The following MEIS2 variants were observed in gnomAD, a reference collection of about 807,000 sequenced individuals.
The protein encoded by MEIS2 is homeobox protein Meis2.
A neutral mutation model predicts 58.6 loss-of-function variants in MEIS2; 9 were observed. The ratio of observed to expected loss-of-function variants is 0.15; its 90% CI spans 0.09 to 0.27. MEIS2 has a LOEUF of 0.27. Among genes scored for constraint, MEIS2 ranks in the 10% least tolerant of loss-of-function variants. The pLI is 1.00. For synonymous variants in MEIS2, 221 were observed against 228.4 expected, an observed-to-expected ratio of 0.97 and a Z score of 0.29; for missense variants, 427 against 635.0, an observed-to-expected ratio of 0.67 and a Z score of 3.52.
At chr15:37,016,148 T>C (rs1460637903) in intron 8 of MEIS2, among the ~76,000 whole-genome samples, 2 of 152,190 alleles carry the variant, frequency 1.3e-5, no homozygotes, top group Non-Finnish European at 2.9e-5. Context: ...CAGCTAGCTC[T>C]TCCCCTCCCT....
chr15:36,949,659 T>C (rs2058687893), intron 9 of MEIS2, among the ~76,000 whole-genome samples: 1 of 152,018 alleles, frequency 6.6e-6, no homozygotes. Flanking sequence ...TGATAAAACC[T>C]GGGCCAGTAT....
chr15:37,032,370 G>A (rs1475091555), intron 8 of MEIS2, among the ~76,000 whole-genome samples: 4 of 152,142 alleles, frequency 2.6e-5, no homozygotes, highest in South Asian at 4.1e-4. Flanking sequence ...AGGGCTTCTT[G>A]GCGTGGAGGA....
At chr15:36,980,148 C>A (rs1024767234) in intron 8 of MEIS2, among the ~76,000 whole-genome samples, 2 of 151,940 alleles carry the variant, frequency 1.3e-5, no homozygotes, top group African/African-American at 4.8e-5. Context: ...AAAATATTAA[C>A]CCCTACTTAG....
At chr15:36,970,267 G>A (rs1334041784) in intron 8 of MEIS2, among the ~76,000 whole-genome samples, 2 of 152,038 alleles carry the variant, frequency 1.3e-5, no homozygotes, top group South Asian at 2.1e-4. Flanking sequence ...AGCCAGGCGT[G>A]GTGGCGGGCG....
chr15:37,085,784 G>C (rs1892807217), intron 6 of MEIS2, among the ~76,000 whole-genome samples: 1 of 152,130 alleles, frequency 6.6e-6, no homozygotes, highest in Admixed American at 6.6e-5. Context: ...GAAAGACAAA[G>C]TCATGCCTGT....
intron 8 of MEIS2, among the ~76,000 whole-genome samples, chr15:37,027,617 T>A (rs2141698496): frequency 6.6e-6 from 1 of 152,332 alleles, no homozygotes; most frequent in Admixed American, 6.5e-5. Context: ...CTCCTTGAAT[T>A]CTTTAACATA....
Position 37,098,031 on chromosome 15 carries a change from T to C in MEIS2, c.181A>G (p.Met61Val), listed in dbSNP as rs768355698. ...ACAGCGGATCCCATACTGGCCGGCA[T>C]GACATTGGGGTGCGGGGCGTGCGCG... is the stretch of plus-strand genomic sequence containing the variant. The part of the protein sequence containing the change: ...YGAHAPHPNV[M>V]PASMGSAVND... The change falls in exon 2 of 12, where the codon ATG becomes GTG. Residue 61 changes from methionine to valine, a missense_variant. Around this residue, in one of 6 missense-constraint regions of MEIS2, gnomAD observed 103 missense variants for 111.8 expected, o/e 0.92. Transcript: ENST00000561208. The C allele has an allele frequency of 3.0e-5, 49 of 1,612,850 alleles. No individual in the cohort carries two copies. In the South Asian group the frequency reaches 5.4e-4, roughly 18 times the overall value.
intron 7 of MEIS2, among the ~76,000 whole-genome samples, chr15:37,062,126 C>T (rs927308953): frequency 1.2e-4 from 19 of 152,222 alleles, no homozygotes; most frequent in African/African-American, 4.3e-4. Context: ...TCCACAGATT[C>T]AGGTGCCCAG....
intron 7 of MEIS2, among the ~76,000 whole-genome samples, chr15:37,046,184 G>A (rs1397994542): frequency 6.6e-6 from 1 of 152,208 alleles, no homozygotes; most frequent in Non-Finnish European, 1.5e-5. Context: ...CATTCTCACT[G>A]GCTTGGCCAG....
intron 8 of MEIS2, among the ~76,000 whole-genome samples, chr15:36,968,942 G>T (rs2059443395): frequency 6.6e-6 from 1 of 152,220 alleles, no homozygotes; most frequent in Non-Finnish European, 1.5e-5. Flanking sequence ...GATTGCTGCA[G>T]ATCAAAACCA....
intron 8 of MEIS2, among the ~76,000 whole-genome samples, chr15:36,978,660 CA>C (rs1412295725): frequency 6.6e-6 from 1 of 152,164 alleles, no homozygotes; most frequent in Non-Finnish European, 1.5e-5. Context: ...CTTTACCTCC[CA>C]AAACTTTTTC....
At chr15:36,956,209 A>C (rs1037032402) in intron 8 of MEIS2, among the ~76,000 whole-genome samples, 1 of 148,764 alleles carries the variant, frequency 6.7e-6, no homozygotes, top group East Asian at 2.0e-4. Context: ...AAAAAAAAAA[A>C]AGAGTCCAAA....
chr15:37,059,148 C>T (rs1888846331), intron 7 of MEIS2, among the ~76,000 whole-genome samples: 2 of 152,122 alleles, frequency 1.3e-5, no homozygotes, highest in Non-Finnish European at 2.9e-5. Flanking sequence ...TGATCTGTAA[C>T]ACACAAAAGG....
At chr15:37,081,898 T>C (rs1596095168) in intron 7 of MEIS2, among the ~76,000 whole-genome samples, 1 of 152,308 alleles carries the variant, frequency 6.6e-6, no homozygotes, top group East Asian at 1.9e-4. Flanking sequence ...CTCAGAATTC[T>C]TCTCTTTCCT....
intron 6 of MEIS2, among the ~76,000 whole-genome samples, chr15:37,092,201 T>C (rs912912025): frequency 1.3e-5 from 2 of 152,246 alleles, no homozygotes; most frequent in African/African-American, 2.4e-5. Context: ...CAGAACTGGA[T>C]ATCCCAGACT....
intron 1 of MEIS2, chr15:37,099,042 G>T: frequency 1.0e-6 from 1 of 983,606 alleles, no homozygotes; most frequent in South Asian, 4.5e-5. Context: ...CGGCTCCTAC[G>T]CAGCCCGTGC....
rs1388625071 is a variant in MEIS2, at chr15:36,976,677, G to GA, written c.901-26278dup. The stretch of plus-strand genomic sequence containing the variant: ...ATACTGAATTGCTTATACATTTGCA[G>GA]AAAAAAATTAACAGATTAATAGAAA... On this transcript the variant is annotated intron_variant, in intron 8 of 11. Transcript: ENST00000561208. Among the ~76,000 whole-genome samples the GA allele has an allele frequency of 5.9e-5, 9 of 151,938 alleles. No individual in the cohort carries two copies. In the East Asian group the frequency reaches 9.7e-4, roughly 16 times the overall value.
At chr15:36,925,568 T>C (rs373767377) in intron 9 of MEIS2, among the ~76,000 whole-genome samples, 1 of 152,218 alleles carries the variant, frequency 6.6e-6, no homozygotes, top group Non-Finnish European at 1.5e-5. Context: ...TCACTTAAAA[T>C]ATATTTTGTC....
rs757351718 is a variant in MEIS2, at chr15:37,099,642, G to A, written c.-176C>T. 2 of 819,674 alleles carry A rather than the reference G, an allele frequency of 2.4e-6. No homozygotes were observed. The highest frequency in any genetic ancestry group is 3.4e-5 in the Admixed American group (1 of 29,448). The allele number at this position is 819,674 out of a possible 1,614,324, so 50.8% of individuals were successfully genotyped here. A position where few individuals can be genotyped will look rare whatever the true frequency, so the allele number is the denominator to read the frequency against. On this transcript the variant is annotated 5_prime_UTR_variant, in exon 1 of 12. Coordinates refer to ENST00000561208, the MANE Select transcript of MEIS2 (RefSeq NM_170675.5). Reference sequence around the variant, plus strand: ...AAAAAAGCCCAGTCTAGACAACGAAGAATTTTTTTTTCTGTGATATTTCTT... The same window carrying A: ...AAAAAAGCCCAGTCTAGACAACGAAAAATTTTTTTTTCTGTGATATTTCTT...
Sources: allele counts gnomAD v4.1 joint callset (sites outside exome capture counted in the v4.1 genomes callset), GRCh38; gene constraint gnomAD v4.1.1; regional missense constraint gnomAD v4.1.1; transcripts MANE v1.5; gene names NCBI Gene and HGNC (gene_info 2026-07-23, HGNC 2026-07-21).